DLG2: variants seen among roughly 807,000 people sequenced by gnomAD.
DLG2 encodes the protein discs large MAGUK scaffold protein 2, also known as disks large homolog 2.
DLG2 carries 45 observed loss-of-function variants against 132.5 expected under a neutral mutation model. The ratio of observed to expected loss-of-function variants is 0.34; its 90% CI spans 0.27 to 0.44. The LOEUF (loss-of-function observed/expected upper bound fraction) is 0.44, where lower values mean the gene tolerates loss of function less well. DLG2 is among the 20% of genes least tolerant of loss of function. DLG2 has a pLI of 1.00. For missense variants in DLG2, 1,045 were observed against 1,196.9 expected (o/e 0.87, Z 1.87); for synonymous variants, 424 against 419.6 (o/e 1.01, Z -0.13).
chr11:83,676,077 A>C (rs967010009), intron 18 of DLG2, among the ~76,000 whole-genome samples: 35 of 152,200 alleles, frequency 2.3e-4, no homozygotes, highest in Non-Finnish European at 4.7e-4. Context: ...AGGACTCATA[A>C]TGTCCTGGGG....
intron 3 of DLG2, among the ~76,000 whole-genome samples, chr11:85,335,157 C>T (rs979292647): frequency 6.6e-6 from 1 of 151,218 alleles, no homozygotes; most frequent in Non-Finnish European, 1.5e-5. Flanking sequence ...GAATTGAATG[C>T]TTTATCATTG....
At chr11:84,803,017 C>T (rs2075598901) in intron 6 of DLG2, among the ~76,000 whole-genome samples, 1 of 152,084 alleles carries the variant, frequency 6.6e-6, no homozygotes, top group South Asian at 2.1e-4. Flanking sequence ...CCAGGATTGC[C>T]TCAATCTCCT....
chr11:85,579,225 C>A (rs894910662), intron 3 of DLG2, among the ~76,000 whole-genome samples: 3 of 151,956 alleles, frequency 2.0e-5, no homozygotes, highest in Admixed American at 6.5e-5. Context: ...TGCAATGGAG[C>A]CTTTCGAAGG....
intron 5 of DLG2, among the ~76,000 whole-genome samples, chr11:85,139,804 C>T (rs1233597102): frequency 6.6e-6 from 1 of 151,940 alleles, no homozygotes; most frequent in African/African-American, 2.4e-5. Context: ...TCAGTAACCA[C>T]TGTTTTATTC....
chr11:84,164,345 AT>A (rs1306919584), intron 8 of DLG2, among the ~76,000 whole-genome samples: 1 of 152,226 alleles, frequency 6.6e-6, no homozygotes, highest in Non-Finnish European at 1.5e-5. Context: ...AAGCAAGAAA[AT>A]TCTCAAATCG....
At chr11:85,377,324 C>T (rs1418186731) in intron 3 of DLG2, among the ~76,000 whole-genome samples, 1 of 152,060 alleles carries the variant, frequency 6.6e-6, no homozygotes, top group East Asian at 1.9e-4. Flanking sequence ...GTTTTAAGGC[C>T]TCAGTCAACC....
At chr11:83,968,840 A>G (rs2090760056) in intron 12 of DLG2, among the ~76,000 whole-genome samples, 1 of 152,156 alleles carries the variant, frequency 6.6e-6, no homozygotes, top group African/African-American at 2.4e-5. Context: ...CATGAAACCC[A>G]CATTAATAAT....
intron 6 of DLG2, among the ~76,000 whole-genome samples, chr11:85,031,331 A>G (rs1037851403): frequency 6.6e-6 from 1 of 152,016 alleles, no homozygotes; most frequent in Non-Finnish European, 1.5e-5. Flanking sequence ...AGGTATATTT[A>G]TTTCTAAGCA....
rs957371737 is a variant in DLG2 at position 83,586,882 on chromosome 11, TATC to T, written c.1941-45027_1941-45025del. Among the ~76,000 whole-genome samples, 6 of 152,196 alleles carry T rather than the reference TATC, an allele frequency of 3.9e-5. No individual in the cohort carries two copies. In the East Asian group the frequency reaches 1.2e-3, roughly 29 times the overall value. On this transcript the variant is annotated intron_variant, in intron 19 of 27. Coordinates refer to ENST00000376104, the MANE Select transcript of DLG2 (RefSeq NM_001142699.3). ...TTCTCTAACCCACAGCAGGTATTGT[TATC>T]ATGAATTCACACCAGGGTTGTGAAA...
chr11:83,635,408 A>C (rs1214484495), intron 18 of DLG2, among the ~76,000 whole-genome samples: 1 of 152,220 alleles, frequency 6.6e-6, no homozygotes, highest in East Asian at 1.9e-4. Flanking sequence ...TTTCTGTTTT[A>C]AATTACAAAA....
At chr11:85,239,971 A>G (rs1239594241) in intron 4 of DLG2, among the ~76,000 whole-genome samples, 1 of 151,946 alleles carries the variant, frequency 6.6e-6, no homozygotes, top group Non-Finnish European at 1.5e-5. Context: ...TTACAAGACC[A>G]TGCCAAACTA....
chr11:84,684,063 A>G (rs60049596), intron 6 of DLG2, among the ~76,000 whole-genome samples: 1 of 152,154 alleles, frequency 6.6e-6, no homozygotes, highest in African/African-American at 2.4e-5. Context: ...TTGCCTCATG[A>G]ATAAAAAATG....
intron 6 of DLG2, among the ~76,000 whole-genome samples, chr11:84,719,983 A>G (rs1264548127): frequency 6.6e-6 from 1 of 152,092 alleles, no homozygotes; most frequent in Non-Finnish European, 1.5e-5. Flanking sequence ...GAGCCCAGTC[A>G]CTAGCTAAAT....
chr11:83,842,558 G>C (rs2099077049), intron 16 of DLG2, among the ~76,000 whole-genome samples: 1 of 149,452 alleles, frequency 6.7e-6, no homozygotes, highest in African/African-American at 2.5e-5. Context: ...GCCGGGCACG[G>C]TGGCTCATGC....
At chr11:85,487,771 A>G (rs2153100819) in intron 3 of DLG2, among the ~76,000 whole-genome samples, 1 of 152,328 alleles carries the variant, frequency 6.6e-6, no homozygotes, top group East Asian at 1.9e-4. Context: ...AAATTTCCCA[A>G]GTCTAGCAAG....
chr11:84,259,507 A>C (rs1162419905), intron 7 of DLG2, among the ~76,000 whole-genome samples: 1 of 152,126 alleles, frequency 6.6e-6, no homozygotes, highest in Non-Finnish European at 1.5e-5. Flanking sequence ...CTGAGACACG[A>C]ACAGTGCTGA....
intron 10 of DLG2, among the ~76,000 whole-genome samples, chr11:84,066,221 T>A (rs2096669697): frequency 6.6e-6 from 1 of 152,074 alleles, no homozygotes. Context: ...AACTAAAGGT[T>A]TAAAAAAAGA....
chr11:85,470,117 G>T (rs2092933442), intron 3 of DLG2, among the ~76,000 whole-genome samples: 2 of 146,462 alleles, frequency 1.4e-5, no homozygotes, highest in African/African-American at 5.1e-5. Context: ...CTTCTGCCTA[G>T]AATATTTTCT....
intron 6 of DLG2, among the ~76,000 whole-genome samples, chr11:84,845,770 C>T (rs2154015978): frequency 6.6e-6 from 1 of 151,354 alleles, no homozygotes; most frequent in South Asian, 2.1e-4. Flanking sequence ...ACCTTCACCT[C>T]TTGGGTTCAG....
Sources: allele counts gnomAD v4.1 joint callset (sites outside exome capture counted in the v4.1 genomes callset), GRCh38; gene constraint gnomAD v4.1.1; transcripts MANE v1.5; gene names NCBI Gene and HGNC (gene_info 2026-07-23, HGNC 2026-07-21).